The following MACROD2 variants were observed in gnomAD, a reference collection of about 807,000 sequenced individuals.
MACROD2 encodes mono-ADP ribosylhydrolase 2.
Under a neutral mutation model 70.4 loss-of-function variants are expected in MACROD2, and 36 were observed. That is an observed-to-expected ratio of 0.51 (90% CI 0.39 to 0.68). The LOEUF is 0.68. Among genes scored for constraint, MACROD2 ranks in the 30% least tolerant of loss-of-function variants. The pLI is 0.00. For missense variants in MACROD2, 496 were observed against 538.4 expected (o/e 0.92, Z 0.78); for synonymous variants, 172 against 178.8 (o/e 0.96, Z 0.30).
At chr20:15,276,421 AAT>A in intron 6 of MACROD2, among the ~76,000 whole-genome samples, 2 of 151,130 alleles carry the variant, frequency 1.3e-5, no homozygotes, top group South Asian at 2.1e-4. Context: ...AAAATAAAAA[AAT>A]CTCATTGATC....
At chr20:15,362,461 TCTC>T (rs969289209) in intron 6 of MACROD2, among the ~76,000 whole-genome samples, 7 of 152,278 alleles carry the variant, frequency 4.6e-5, no homozygotes, top group Middle Eastern at 3.4e-3. Context: ...AAGTTGAAGT[TCTC>T]CTCTATATTC....
At chr20:15,442,961 A>G (rs1424045960) in intron 7 of MACROD2, among the ~76,000 whole-genome samples, 1 of 152,146 alleles carries the variant, frequency 6.6e-6, no homozygotes, top group Non-Finnish European at 1.5e-5. Context: ...GTTGTCAGAC[A>G]CTATATTTAG....
At chr20:14,807,078 T>C (rs1003876149) in intron 5 of MACROD2, among the ~76,000 whole-genome samples, 7 of 152,116 alleles carry the variant, frequency 4.6e-5, no homozygotes, top group Non-Finnish European at 7.4e-5. Context: ...CCCAGCACAG[T>C]GCTGGAGCTC....
rs1172627856 is a variant in MACROD2 at position 14,468,504 on chromosome 20, T to C, written c.272-24975T>C. On this transcript the variant is annotated intron_variant, in intron 3 of 17. Coordinates refer to ENST00000684519, the MANE Select transcript of MACROD2 (RefSeq NM_001351661.2). ...TGCATTCCTTTATTTTGAGCCTCTG[T>C]GTGTCTTTTTTTGGGGGGGGGCGTT... 2.1e-5 allele frequency among the ~76,000 whole-genome samples: 3 copies of C among 141,398 alleles called. No individual in the cohort carries two copies. In the South Asian group the frequency reaches 7.3e-4, roughly 34 times the overall value. The allele number at this position is 141,398 out of a possible 152,430, so 92.8% of individuals were successfully genotyped here. A position where few individuals can be genotyped will look rare whatever the true frequency, so the allele number is the denominator to read the frequency against.
intron 3 of MACROD2, among the ~76,000 whole-genome samples, chr20:14,309,390 G>A (rs1297356558): frequency 6.6e-6 from 1 of 152,028 alleles, no homozygotes; most frequent in Non-Finnish European, 1.5e-5. Context: ...AAAGAAAAAA[G>A]TGCACCTATA....
At chr20:15,619,050 G>A (rs552474819) in intron 8 of MACROD2, among the ~76,000 whole-genome samples, 53 of 152,180 alleles carry the variant, frequency 3.5e-4, no homozygotes, top group African/African-American at 1.2e-3. Context: ...AAGATCACAT[G>A]AGCCAGCTTA....
Position 14,286,393 on chromosome 20 carries a change from A to G in MACROD2, c.271+200665A>G, listed in dbSNP as rs147275871. 1.7e-3 allele frequency among the ~76,000 whole-genome samples: 264 copies of G among 152,246 alleles called. 1 individual carries two copies. Among genetic ancestry groups the G allele is most frequent in the African/African-American group, 5.9e-3 (247 of 41,566 alleles). On this transcript the variant is annotated intron_variant, in intron 3 of 17. Coordinates refer to ENST00000684519, the MANE Select transcript of MACROD2 (RefSeq NM_001351661.2). ...AAAATAAACATAAGCAAAAACTACA[A>G]TGGGTTTTTGTTATAATAGCTGGCT...
intron 8 of MACROD2, among the ~76,000 whole-genome samples, chr20:15,717,851 G>T (rs1414477657): frequency 6.6e-6 from 1 of 152,132 alleles, no homozygotes; most frequent in Non-Finnish European, 1.5e-5. Context: ...GAGATCTGCT[G>T]TAAAGGTAGA....
rs73265061 is a variant in MACROD2 at position 15,333,444 on chromosome 20, T to A, written c.541-97961T>A. On this transcript the variant is annotated intron_variant, in intron 6 of 17. Transcript: ENST00000684519. ...TAGTTTAGATTTTTGAAATGCAGAA[T>A]TGAGAGAAAGGGGAAGAGAATTGGA... Among the ~76,000 whole-genome samples the A allele has an allele frequency of 5.3e-3, 807 of 151,598 alleles. 37 individuals are homozygous for A. The highest frequency in any genetic ancestry group is 0.019 in the African/African-American group (761 of 41,028).
In MACROD2 at chr20:14,470,784, C is replaced by G. The variant is rs557032207; in HGVS notation, c.272-22695C>G. Among the ~76,000 whole-genome samples, 32 of 152,224 alleles carry G rather than the reference C, an allele frequency of 2.1e-4. No individual in the cohort carries two copies. In the South Asian group the frequency reaches 5.8e-3, roughly 28 times the overall value. On this transcript the variant is annotated intron_variant, in intron 3 of 17. Coordinates refer to ENST00000684519, the MANE Select transcript of MACROD2 (RefSeq NM_001351661.2). ...TGGACGCCCCTTCCCCCACCAAGCTCGAGCATCCCAGGTCAGCTTCAGACT... is the reference window on the plus strand; with the variant it reads ...TGGACGCCCCTTCCCCCACCAAGCTGGAGCATCCCAGGTCAGCTTCAGACT...
At chr20:14,640,244 T>A (rs1419486772) in intron 4 of MACROD2, among the ~76,000 whole-genome samples, 1 of 152,122 alleles carries the variant, frequency 6.6e-6, no homozygotes, top group Non-Finnish European at 1.5e-5. Context: ...TACTGATGGG[T>A]ATAAGTGAAA....
chr20:14,243,104 T>A (rs1030461694), intron 3 of MACROD2, among the ~76,000 whole-genome samples: 1 of 152,188 alleles, frequency 6.6e-6, no homozygotes, highest in South Asian at 2.1e-4. Flanking sequence ...GCTTGAGGAC[T>A]CCCCTTTACC....
intron 5 of MACROD2, among the ~76,000 whole-genome samples, chr20:15,210,552 GTTTTTT>G (rs11333280): frequency 1.6e-5 from 2 of 121,650 alleles, no homozygotes; most frequent in African/African-American, 6.4e-5. Context: ...CTTTTCTTCT[GTTTTTT>G]TTTTTTTTTT....
intron 5 of MACROD2, among the ~76,000 whole-genome samples, chr20:15,209,106 G>T (rs1399233615): frequency 1.4e-5 from 2 of 141,052 alleles, no homozygotes; most frequent in Non-Finnish European, 3.1e-5. Flanking sequence ...GGTGGTGGTG[G>T]TGGTGGTGGT....
chr20:14,381,923 T>C (rs1433413667), intron 3 of MACROD2, among the ~76,000 whole-genome samples: 1 of 152,156 alleles, frequency 6.6e-6, no homozygotes, highest in Non-Finnish European at 1.5e-5. Context: ...GTCTCAATCA[T>C]ATAGTTTCAT....
chr20:15,688,389 A>C (rs1381998533), intron 8 of MACROD2, among the ~76,000 whole-genome samples: 1 of 152,244 alleles, frequency 6.6e-6, no homozygotes, highest in African/African-American at 2.4e-5. Context: ...TAGAAGCGTC[A>C]GTATTGGAAA....
At chr20:14,696,027 G>A (rs1285789359) in intron 5 of MACROD2, among the ~76,000 whole-genome samples, 2 of 152,190 alleles carry the variant, frequency 1.3e-5, no homozygotes, top group African/African-American at 4.8e-5. Context: ...GAACCTGCCT[G>A]TGTCAGAGAC....
intron 5 of MACROD2, among the ~76,000 whole-genome samples, chr20:15,210,247 T>C (rs2076749792): frequency 6.6e-6 from 1 of 152,202 alleles, no homozygotes; most frequent in African/African-American, 2.4e-5. Flanking sequence ...TATATGTTCT[T>C]TCCAGTTATT....
chr20:14,063,382 G>A lies in MACROD2; in HGVS notation c.164-22239G>A, dbSNP rs73612331. On this transcript the variant is annotated intron_variant, in intron 2 of 17. Coordinates refer to ENST00000684519, the MANE Select transcript of MACROD2 (RefSeq NM_001351661.2). ...ATCCATCTTATTTCTCTACCACCTCGTGGGGCATTAATGATCTATGCTCAA... is the reference window on the plus strand; with the variant it reads ...ATCCATCTTATTTCTCTACCACCTCATGGGGCATTAATGATCTATGCTCAA... Among the ~76,000 whole-genome samples the A allele has an allele frequency of 1.7e-4, 26 of 152,232 alleles. 1 individual carries two copies. The East Asian group carries it at 3.5e-3, about 20-fold the overall frequency.
Sources: gnomAD v4.1 joint callset for allele counts (sites outside exome capture counted in the v4.1 genomes callset) on GRCh38, gnomAD v4.1.1 for gene constraint, MANE v1.5 for transcripts, NCBI Gene and HGNC (gene_info 2026-07-23, HGNC 2026-07-21) for gene names.